PIGK: variants seen among roughly 807,000 people sequenced by gnomAD.
PIGK encodes GPI-anchor transamidase.
PIGK carries 42 observed loss-of-function variants against 50.6 expected under a neutral mutation model. The ratio of observed to expected loss-of-function variants is 0.83; its 90% confidence interval spans 0.65 to 1.07. The LOEUF (loss-of-function observed/expected upper bound fraction) is 1.07. Ranked by LOEUF, PIGK falls within the 50% of genes least tolerant of loss-of-function variation. The pLI is 0.00. For synonymous variants in PIGK, 151 were observed against 156.0 expected (o/e 0.97, Z 0.24); for missense variants, 448 against 488.7 (o/e 0.92, Z 0.78).
chr1:77,094,920 C>T (rs1481893302), intron 10 of PIGK, among the ~76,000 whole-genome samples: 5 of 151,988 alleles, frequency 3.3e-5, no homozygotes, highest in Admixed American at 3.3e-4. Flanking sequence ...CAACAGCAAA[C>T]TTTAAAAGTA....
chr1:77,174,066 C>T (rs1330137569), intron 3 of PIGK, among the ~76,000 whole-genome samples: 2 of 152,200 alleles, frequency 1.3e-5, no homozygotes, highest in Non-Finnish European at 2.9e-5. Flanking sequence ...TAGCTAAGGC[C>T]TTGCCTTTTT....
chr1:77,129,723 AAATAAAT>A, intron 9 of PIGK: 1 of 913,956 alleles, frequency 1.1e-6, no homozygotes, highest in African/African-American at 2.2e-5. Context: ...AAAAATAAAT[AAATAAAT>A]AAATAAATAT....
intron 3 of PIGK, among the ~76,000 whole-genome samples, chr1:77,194,571 G>T (rs1655986451): frequency 6.8e-6 from 1 of 146,730 alleles, no homozygotes; most frequent in African/African-American, 2.5e-5. Context: ...TCACTTATAA[G>T]TAGGAGCTAA....
At chr1:77,109,083 C>G (rs1232085582) in intron 10 of PIGK, among the ~76,000 whole-genome samples, 7 of 152,136 alleles carry the variant, frequency 4.6e-5, no homozygotes. Flanking sequence ...TCTGAATAGA[C>G]CAGTAACAGG....
At chr1:77,134,894 CAA>C (rs1293553510) in intron 9 of PIGK, among the ~76,000 whole-genome samples, 6 of 151,984 alleles carry the variant, frequency 3.9e-5, no homozygotes, top group Non-Finnish European at 5.9e-5. Flanking sequence ...AAGAATTATT[CAA>C]AGAGTGTTTT....
At chr1:77,180,313 C>G (rs1362136514) in intron 3 of PIGK, among the ~76,000 whole-genome samples, 1 of 152,094 alleles carries the variant, frequency 6.6e-6, no homozygotes, top group Non-Finnish European at 1.5e-5. Context: ...AATTGTATAG[C>G]AAGTGTAGTT....
chr1:77,103,358 C>T (rs1452622649), intron 10 of PIGK, among the ~76,000 whole-genome samples: 1 of 151,796 alleles, frequency 6.6e-6, no homozygotes, highest in Non-Finnish European at 1.5e-5. Context: ...GAAAAATAAC[C>T]CATAGTCCCC....
At chr1:77,145,122 C>T (rs1418105037) in intron 9 of PIGK, among the ~76,000 whole-genome samples, 5 of 151,900 alleles carry the variant, frequency 3.3e-5, no homozygotes, top group Admixed American at 3.3e-4. Flanking sequence ...ATCATAGTTT[C>T]ATATTCTTCA....
chr1:77,194,942 C>G (rs986538462), intron 3 of PIGK: 1 of 561,784 alleles, frequency 1.8e-6, no homozygotes, highest in African/African-American at 1.9e-5. Flanking sequence ...ACTGAAAAAG[C>G]ACTGACTACT....
chr1:77,149,790 ATACAT>A (rs534977442), intron 9 of PIGK, among the ~76,000 whole-genome samples: 2 of 152,190 alleles, frequency 1.3e-5, no homozygotes, highest in Admixed American at 6.5e-5. Context: ...GCTGCAGATT[ATACAT>A]TTTCCTCATC....
chr1:77,114,858 A>T (rs1472804230), intron 10 of PIGK, among the ~76,000 whole-genome samples: 9 of 152,228 alleles, frequency 5.9e-5, no homozygotes, highest in African/African-American at 1.9e-4. Flanking sequence ...ATTTTTCACT[A>T]GACATCAGTT....
intron 10 of PIGK, among the ~76,000 whole-genome samples, chr1:77,095,757 T>C (rs918354447): frequency 6.6e-6 from 1 of 152,130 alleles, no homozygotes; most frequent in East Asian, 1.9e-4. Context: ...ATAAGTGGCA[T>C]GGTAGCAGAT....
At chr1:77,126,355 A>G (rs1464749980) in intron 9 of PIGK, among the ~76,000 whole-genome samples, 1 of 152,050 alleles carries the variant, frequency 6.6e-6, no homozygotes, top group African/African-American at 2.4e-5. Flanking sequence ...ATGAGCAGTA[A>G]CAAGTTATCT....
chr1:77,202,069 C>A (rs1055501366), intron 3 of PIGK, among the ~76,000 whole-genome samples: 10 of 151,430 alleles, frequency 6.6e-5, no homozygotes, highest in African/African-American at 2.4e-4. Context: ...AAAAAAAATA[C>A]CTGACTAAAA....
At chr1:77,106,694 C>T (rs764177421) in intron 10 of PIGK, among the ~76,000 whole-genome samples, 5 of 151,924 alleles carry the variant, frequency 3.3e-5, no homozygotes, top group African/African-American at 9.7e-5. Context: ...GAAGACAGCA[C>T]GCTAATGTTT....
rs978415912 is a variant in PIGK at position 77,160,117 on chromosome 1, T to C, written c.813+1178A>G. 7.2e-5 allele frequency among the ~76,000 whole-genome samples: 11 copies of C among 152,268 alleles called. No homozygotes were observed. In the East Asian group the frequency reaches 1.9e-3, roughly 27 times the overall value. ...AGTTACTCTCATGCTATTCTCATGA[T>C]AGTGAGTTCTCATGAGATCTGATGG... On this transcript the variant is annotated intron_variant, in intron 8 of 10. Transcript: ENST00000370812.
rs1018239021 is a variant in PIGK at position 77,163,844 on chromosome 1, A to G, written c.584+2T>C. 1.3e-6 allele frequency: 2 copies of G among 1,544,466 alleles called. No homozygotes were observed. Among genetic ancestry groups the G allele is most frequent in the Non-Finnish European group, 1.8e-6 (2 of 1,119,962 alleles). ...TATGAAAAGAAGTAATTTGCTAATT[A>G]CCGTCTTTTCTGCCACATTTGTTCA... On this transcript the variant is annotated splice_donor_variant, in intron 6 of 10. Coordinates refer to ENST00000370812, the MANE Select transcript of PIGK (RefSeq NM_005482.3). LOFTEE classifies it high-confidence loss of function.
intron 9 of PIGK, among the ~76,000 whole-genome samples, chr1:77,134,080 A>C (rs1049834378): frequency 1.3e-5 from 2 of 152,242 alleles, no homozygotes; most frequent in East Asian, 3.8e-4. Context: ...AAATCAGTGA[A>C]TAAGGCTGTT....
intron 10 of PIGK, among the ~76,000 whole-genome samples, chr1:77,119,770 T>C (rs1280790988): frequency 1.3e-5 from 2 of 152,222 alleles, no homozygotes; most frequent in Admixed American, 1.3e-4. Context: ...CCATCTCTCC[T>C]GCAGCTTCTA....
Sources: allele counts gnomAD v4.1 joint callset (sites outside exome capture counted in the v4.1 genomes callset), GRCh38; gene constraint gnomAD v4.1.1; transcripts MANE v1.5; gene names NCBI Gene and HGNC (gene_info 2026-07-23, HGNC 2026-07-21).